Variants in DYNC2H1 observed in about 807,000 individuals in gnomAD.
DYNC2H1 encodes the protein cytoplasmic dynein 2 heavy chain 1.
Under a neutral mutation model 570.0 loss-of-function variants are expected in DYNC2H1, and 410 were observed. That is an observed-to-expected ratio of 0.72 (90% CI 0.66 to 0.78). DYNC2H1 has a LOEUF of 0.78. Ranked by LOEUF, DYNC2H1 falls within the 30% of genes least tolerant of loss-of-function variation. The pLI is 0.00. For synonymous variants in DYNC2H1, 1,688 were observed against 1,677.6 expected, an observed-to-expected ratio of 1.01 and a Z score of -0.15; for missense variants, 4,865 against 5,046.4, an observed-to-expected ratio of 0.96 and a Z score of 1.09.
At chr11:103,121,580 T>A (rs1023505433) in intron 10 of DYNC2H1, 84 bp downstream of exon 10, 3 of 1,388,352 alleles carry the variant, frequency 2.2e-6, no homozygotes, top group East Asian at 2.4e-5. Context: ...AGAGCTGTAG[T>A]AAATATATTC....
At chr11:103,159,124 CAGTTCATA>C in intron 28 of DYNC2H1, 97 bp downstream of exon 28, 2 of 881,340 alleles carry the variant, frequency 2.3e-6, no homozygotes, top group Non-Finnish European at 3.5e-6. Flanking sequence ...ATACAGCAGT[CAGTTCATA>C]TACCCAAATA....
intron 82 of DYNC2H1, among the ~76,000 whole-genome samples, chr11:103,356,905 A>G (rs934413293): frequency 5.3e-5 from 8 of 152,196 alleles, no homozygotes; most frequent in African/African-American, 1.9e-4. Context: ...TTACAAAAGG[A>G]AAAACAAATC....
intron 52 of DYNC2H1, among the ~76,000 whole-genome samples, chr11:103,208,252 A>G (rs1331277895): frequency 1.3e-5 from 2 of 152,222 alleles, no homozygotes; most frequent in Non-Finnish European, 2.9e-5. Context: ...AATAATTAAG[A>G]AGGTAAGACA....
intron 17 of DYNC2H1, among the ~76,000 whole-genome samples, chr11:103,142,689 C>T (rs1037503232): frequency 2.6e-5 from 4 of 152,016 alleles, no homozygotes; most frequent in Non-Finnish European, 5.9e-5. Context: ...GAAAATGTGT[C>T]AGTTTAGAAT....
chr11:103,329,185 T>C (rs1264526357), intron 82 of DYNC2H1, among the ~76,000 whole-genome samples: 1 of 151,878 alleles, frequency 6.6e-6, no homozygotes, highest in Non-Finnish European at 1.5e-5. Context: ...CTGGGAAATA[T>C]CTATGATTAA....
rs646556 is a variant in DYNC2H1, at chr11:103,236,665, C to A, written c.9819+126C>A. 394,861 of 507,352 alleles carry A rather than the reference C, an allele frequency of 0.78. 154,592 individuals are homozygous for A. The highest frequency in any genetic ancestry group is 0.84 in the Admixed American group (22,772 of 27,234). 31.4% of individuals were successfully genotyped at this position (507,352 alleles called of 1,614,324 possible). On this transcript the variant is annotated intron_variant, in intron 63 of 88. Transcript: ENST00000375735. ...TTCTTACTAAAATAAAAATATTTTGCTAATGAAAACCCATCAATGATTCAG... is the reference window on the plus strand; with the variant it reads ...TTCTTACTAAAATAAAAATATTTTGATAATGAAAACCCATCAATGATTCAG...
chr11:103,174,268 T>G, intron 36 of DYNC2H1, 98 bp downstream of exon 36: 1 of 1,009,030 alleles, frequency 9.9e-7, no homozygotes, highest in Non-Finnish European at 1.4e-6. Flanking sequence ...AGATACAATA[T>G]TAAGGATTAC....
rs1860519521 is a variant in DYNC2H1, at chr11:103,151,215, C to T, written c.2947-921C>T. Among the ~76,000 whole-genome samples the T allele has an allele frequency of 6.6e-6, 1 of 152,112 alleles. No homozygotes were observed. The highest frequency in any genetic ancestry group is 2.4e-5 in the African/African-American group (1 of 41,434). On this transcript the variant is annotated intron_variant, in intron 20 of 88. Transcript: ENST00000375735. This position sits in a 1 kb window ranked among gnomAD's most constrained non-coding sequence, Gnocchi z 4.6. Reference sequence around the variant, plus strand: ...CTGGGCTCAAGCAGTGTTCCTGCTTCAGCCTCCTCAGTAGCTAGGAGTACA... The same window carrying T: ...CTGGGCTCAAGCAGTGTTCCTGCTTTAGCCTCCTCAGTAGCTAGGAGTACA...
In DYNC2H1 at chr11:103,222,946, C is replaced by G. The variant is rs1488438225; in HGVS notation, c.9232-19C>G. 5 of 1,611,726 alleles carry G rather than the reference C, an allele frequency of 3.1e-6. No individual in the cohort carries two copies. The highest frequency in any genetic ancestry group is 4.2e-6 in the Non-Finnish European group (5 of 1,178,938). On this transcript the variant is annotated intron_variant, in intron 58 of 88. Transcript: ENST00000375735. ...GAAATTAAGTAAGGATGTTGAATCA[C>G]TTCTCATGGATTTTTCAGAATGCTA...
At chr11:103,155,858 T>A (rs1055415414) in intron 25 of DYNC2H1, among the ~76,000 whole-genome samples, 2 of 152,180 alleles carry the variant, frequency 1.3e-5, no homozygotes. Flanking sequence ...CAAATTGTTT[T>A]ATTTCCTATC....
At chr11:103,418,838 G>A (rs922901551) in intron 84 of DYNC2H1, among the ~76,000 whole-genome samples, 1 of 152,114 alleles carries the variant, frequency 6.6e-6, no homozygotes, top group Non-Finnish European at 1.5e-5. Context: ...CATAGATGAG[G>A]ATATCCCCTC....
chr11:103,226,397 C>G (rs1863802697), intron 59 of DYNC2H1, among the ~76,000 whole-genome samples: 2 of 152,146 alleles, frequency 1.3e-5, no homozygotes, highest in South Asian at 4.1e-4. Flanking sequence ...CCTTCTGTGC[C>G]AATTTTGCTG....
At chr11:103,357,509 T>G (rs1342196364) in intron 82 of DYNC2H1, among the ~76,000 whole-genome samples, 1 of 152,248 alleles carries the variant, frequency 6.6e-6, no homozygotes, top group Non-Finnish European at 1.5e-5. Flanking sequence ...GCTATTCTTT[T>G]TCCAGTCATT....
At chr11:103,442,341 A>G (rs1944297368) in intron 85 of DYNC2H1, among the ~76,000 whole-genome samples, 1 of 152,132 alleles carries the variant, frequency 6.6e-6, no homozygotes, top group African/African-American at 2.4e-5. Flanking sequence ...AAATCTTGAA[A>G]TTAAAGATTA....
At chr11:103,161,930 A>T (rs1016870991) in intron 29 of DYNC2H1, among the ~76,000 whole-genome samples, 1 of 152,228 alleles carries the variant, frequency 6.6e-6, no homozygotes, top group African/African-American at 2.4e-5. Flanking sequence ...TACCATGTGC[A>T]TGTCCATACA....
At position 103,116,711 on chromosome 11, in the gene DYNC2H1, A is replaced by C; in HGVS notation, c.763A>C (p.Ile255Leu). ...ACGAATGTTGCATCTCTTAGACATC[A>C]TAGGTACTAGTAAAAAAATGAACTT... ...ESRMLHLLDI[I>L]GGSFGRFVQK... Residue 255 changes from isoleucine (I) to leucine (L), a missense_variant, in exon 5 of 89, where the codon ATA becomes CTA. Ile to Leu is a conservative substitution (Grantham distance 5). Coordinates refer to ENST00000375735, the MANE Select transcript of DYNC2H1 (RefSeq NM_001377.3). The C allele has an allele frequency of 6.3e-7, 1 of 1,581,052 alleles. No homozygotes were observed. Among genetic ancestry groups the C allele is most frequent in the Non-Finnish European group, 8.6e-7 (1 of 1,166,906 alleles).
At chr11:103,242,760 C>T (rs181743309) in intron 63 of DYNC2H1, among the ~76,000 whole-genome samples, 4 of 152,046 alleles carry the variant, frequency 2.6e-5, no homozygotes, top group Admixed American at 1.3e-4. Context: ...GAGTCTCTGT[C>T]GCCAGGCTAG....
chr11:103,236,562 T>G, intron 63 of DYNC2H1, 23 bp downstream of exon 63: 1 of 1,308,692 alleles, frequency 7.6e-7, no homozygotes, highest in Non-Finnish European at 1.1e-6. Flanking sequence ...TTTTAATTTT[T>G]TTATTAGAAA....
At position 103,465,085 on chromosome 11, in the gene DYNC2H1, G is replaced by A. The variant is rs1945150648; in HGVS notation, c.12649-3504G>A. On this transcript the variant is annotated intron_variant, in intron 87 of 88. Coordinates refer to ENST00000375735, the MANE Select transcript of DYNC2H1 (RefSeq NM_001377.3). This position sits in a 1 kb window ranked among gnomAD's most constrained non-coding sequence, Gnocchi z 4.9. ...TTAATTACGCATTTAAAAGTAGATG[G>A]TAAAACACTAAAATGGATATACAAT... Among the ~76,000 whole-genome samples the A allele has an allele frequency of 6.6e-6, 1 of 151,838 alleles. No homozygotes were observed. The highest frequency in any genetic ancestry group is 6.6e-5 in the Admixed American group (1 of 15,224).
Sources: allele counts gnomAD v4.1 joint callset (sites outside exome capture counted in the v4.1 genomes callset), GRCh38; gene constraint gnomAD v4.1.1; non-coding constraint Gnocchi (gnomAD v3.1); transcripts MANE v1.5; gene names NCBI Gene and HGNC (gene_info 2026-07-23, HGNC 2026-07-21).